Variants in HECW2 observed in about 807,000 individuals in gnomAD.
The protein encoded by HECW2 is HECT, C2 and WW domain containing E3 ubiquitin protein ligase 2.
Under a neutral mutation model 175.2 loss-of-function variants are expected in HECW2, and 61 were observed. That is an observed-to-expected ratio of 0.35 (90% CI 0.28 to 0.43). HECW2 has a LOEUF of 0.43. Among genes scored for constraint, HECW2 ranks in the 20% least tolerant of loss-of-function variants. The pLI, the probability that HECW2 is intolerant of heterozygous loss-of-function variation, is 1.00. For missense variants in HECW2, 1,524 were observed against 2,000.5 expected, an observed-to-expected ratio of 0.76 and a Z score of 4.54; for synonymous variants, 671 against 731.0, an observed-to-expected ratio of 0.92 and a Z score of 1.32.
Position 196,201,111 on chromosome 2 carries a change from T to C in HECW2, c.*166A>G, listed in dbSNP as rs992308877. On this transcript the variant is annotated 3_prime_UTR_variant, in exon 29 of 29. Transcript: ENST00000644978. ...CTCACCCAAATCCTTCCAAGAGGAC[T>C]CATCTCCAGTCCCCAAATGTGACAG... is the stretch of plus-strand genomic sequence containing the variant. The C allele has an allele frequency of 1.5e-5, 9 of 589,126 alleles. No homozygotes were observed. Among genetic ancestry groups the C allele is most frequent in the African/African-American group, 9.4e-5 (5 of 53,454 alleles). The allele number at this position is 589,126 out of a possible 1,614,324, so 36.5% of individuals were successfully genotyped here.
At position 196,319,806 on chromosome 2, in the gene HECW2, G is replaced by C; in HGVS notation, c.1084C>G (p.His362Asp). Residue 362 changes from histidine to aspartate, a missense_variant, in exon 9 of 29, where the codon CAC becomes GAC. Around this residue, in one of 11 missense-constraint regions of HECW2, gnomAD observed 604 missense variants for 588.3 expected, o/e 1.03. Coordinates refer to ENST00000644978, the MANE Select transcript of HECW2 (RefSeq NM_001348768.2). The part of the protein sequence containing the change: ...SDDEDMPGSH[H>D]DSQVCSNGPV... ...CCATTAGAGCACACCTGGCTGTCGT[G>C]ATGGCTCCCTGGCATGTCCTCGTCA... The C allele has an allele frequency of 2.5e-6, 4 of 1,614,220 alleles. No homozygotes were observed. The highest frequency in any genetic ancestry group is 1.7e-5 in the Admixed American group (1 of 60,032).
chr2:196,486,653 T>C lies in HECW2; in HGVS notation c.-35-53195A>G, dbSNP rs937478492. Among the ~76,000 whole-genome samples, 3 of 152,150 alleles carry C rather than the reference T, an allele frequency of 2.0e-5. No homozygotes were observed. The East Asian group carries it at 5.8e-4, about 29-fold the overall frequency. On this transcript the variant is annotated intron_variant, in intron 1 of 28. Transcript: ENST00000644978. Reference sequence around the variant, plus strand: ...CAGGGAATGAAGCTCCCTTAATTATTACTGCAAACTTGGACTATTTTTAGA... The same window carrying C: ...CAGGGAATGAAGCTCCCTTAATTATCACTGCAAACTTGGACTATTTTTAGA...
chr2:196,543,934 G>C (rs1336520066), intron 1 of HECW2, among the ~76,000 whole-genome samples: 1 of 152,102 alleles, frequency 6.6e-6, no homozygotes, highest in Non-Finnish European at 1.5e-5. Flanking sequence ...TAGAAAGACA[G>C]GTAAATTGGT....
At chr2:196,343,363 G>A (rs944327752) in intron 3 of HECW2, among the ~76,000 whole-genome samples, 4 of 152,156 alleles carry the variant, frequency 2.6e-5, no homozygotes, top group Non-Finnish European at 5.9e-5. Context: ...GTTCAGTAGA[G>A]ACAAAATGAC....
At chr2:196,357,491 T>G (rs979970313) in intron 2 of HECW2, among the ~76,000 whole-genome samples, 2 of 152,218 alleles carry the variant, frequency 1.3e-5, no homozygotes, top group African/African-American at 2.4e-5. Flanking sequence ...AGTCAAAATA[T>G]AAAGCTCTGA....
rs542470722 is a variant in HECW2 at position 196,496,007 on chromosome 2, C to T, written c.-35-62549G>A. ...TTTTAGAACAGGAAAGGAAGATGAG[C>T]ATCTTTTATCTTTCCAAACATCAGA... On this transcript the variant is annotated intron_variant, in intron 1 of 28. Coordinates refer to ENST00000644978, the MANE Select transcript of HECW2 (RefSeq NM_001348768.2). 4.6e-5 allele frequency among the ~76,000 whole-genome samples: 7 copies of T among 152,248 alleles called. No individual in the cohort carries two copies. In the South Asian group the frequency reaches 1.2e-3, roughly 27 times the overall value.
At chr2:196,494,161 G>GTCA in intron 1 of HECW2, among the ~76,000 whole-genome samples, 1 of 152,306 alleles carries the variant, frequency 6.6e-6, no homozygotes, top group East Asian at 1.9e-4. Flanking sequence ...GACTTGTTCA[G>GTCA]GAAAATGTTT....
At chr2:196,525,651 G>A (rs1453864196) in intron 1 of HECW2, among the ~76,000 whole-genome samples, 1 of 148,726 alleles carries the variant, frequency 6.7e-6, no homozygotes, top group Non-Finnish European at 1.5e-5. Context: ...CTTCCTTCAG[G>A]AGCTCTTTTA....
intron 1 of HECW2, among the ~76,000 whole-genome samples, chr2:196,571,440 G>A (rs1173379518): frequency 6.6e-6 from 1 of 152,188 alleles, no homozygotes; most frequent in Non-Finnish European, 1.5e-5. Flanking sequence ...TGGGCGCAGT[G>A]GCTCACACCT....
chr2:196,319,590 C>T lies in HECW2; in HGVS notation c.1300G>A (p.Ala434Thr). Residue 434 changes from alanine to threonine, a missense_variant, in exon 9 of 29, where the codon GCG (alanine) becomes ACG (threonine). By Grantham distance (58) the Ala-to-Thr change is moderately conservative. Coordinates refer to ENST00000644978, the MANE Select transcript of HECW2 (RefSeq NM_001348768.2). ...EHNGHSRPGT[A>T]TCSERSMGAS... ...CCCATGGACCTCTCAGAGCAGGTCGCTGTCCCCGGCCTGGAGTGGCCATTG... is the reference window on the plus strand; with the variant it reads ...CCCATGGACCTCTCAGAGCAGGTCGTTGTCCCCGGCCTGGAGTGGCCATTG... 1 of 1,614,222 alleles carries T rather than the reference C, an allele frequency of 6.2e-7. No homozygotes were observed. The highest frequency in any genetic ancestry group is 8.5e-7 in the Non-Finnish European group (1 of 1,180,032).
At chr2:196,510,337 G>A (rs1687902743) in intron 1 of HECW2, among the ~76,000 whole-genome samples, 1 of 152,180 alleles carries the variant, frequency 6.6e-6, no homozygotes, top group Admixed American at 6.5e-5. Flanking sequence ...TTGAGGTGAT[G>A]TGGGGAAGAA....
intron 1 of HECW2, among the ~76,000 whole-genome samples, chr2:196,561,914 T>C (rs757433453): frequency 3.8e-4 from 58 of 152,208 alleles, no homozygotes; most frequent in South Asian, 1.0e-3. Context: ...TGTGAGAACT[T>C]AGAGGCAATG....
chr2:196,470,631 T>G (rs1017409559), intron 1 of HECW2, among the ~76,000 whole-genome samples: 5 of 152,152 alleles, frequency 3.3e-5, no homozygotes, highest in Non-Finnish European at 5.9e-5. Context: ...AATTTTACAT[T>G]AGATGAGTAA....
chr2:196,569,598 C>T (rs1426769935), intron 1 of HECW2, among the ~76,000 whole-genome samples: 1 of 152,158 alleles, frequency 6.6e-6, no homozygotes, highest in Non-Finnish European at 1.5e-5. Flanking sequence ...TAGATCCTAA[C>T]ATCAGTTCCA....
chr2:196,247,999 G>A (rs1264756693), intron 19 of HECW2, among the ~76,000 whole-genome samples: 1 of 152,128 alleles, frequency 6.6e-6, no homozygotes, highest in Non-Finnish European at 1.5e-5. Context: ...AAAACATCAA[G>A]CACTACAATA....
chr2:196,297,033 G>A (rs893392467), intron 13 of HECW2, among the ~76,000 whole-genome samples: 6 of 152,194 alleles, frequency 3.9e-5, no homozygotes, highest in African/African-American at 1.2e-4. Context: ...AACAAAAGTA[G>A]GTTAGAGGAG....
intron 19 of HECW2, among the ~76,000 whole-genome samples, chr2:196,252,876 A>G (rs1157161630): frequency 6.6e-6 from 1 of 151,800 alleles, no homozygotes; most frequent in Non-Finnish European, 1.5e-5. Context: ...CAGCCCTGAA[A>G]GAATAATTGT....
intron 21 of HECW2, among the ~76,000 whole-genome samples, chr2:196,231,205 G>A (rs1688044842): frequency 6.6e-6 from 1 of 150,770 alleles, no homozygotes. Context: ...GAGCATGCCC[G>A]TGGTCAAAGT....
At chr2:196,313,889 C>CA (rs1214013757) in intron 10 of HECW2, among the ~76,000 whole-genome samples, 5 of 152,038 alleles carry the variant, frequency 3.3e-5, no homozygotes, top group African/African-American at 1.2e-4. Context: ...CCTGTCTCTA[C>CA]AAAAAATAAA....
Sources: allele counts gnomAD v4.1 joint callset (sites outside exome capture counted in the v4.1 genomes callset), GRCh38; gene constraint gnomAD v4.1.1; regional missense constraint gnomAD v4.1.1; transcripts MANE v1.5; gene names NCBI Gene and HGNC (gene_info 2026-07-23, HGNC 2026-07-21).